Variants in C2 observed in about 807,000 individuals in gnomAD.
C2 encodes the protein complement C2, also known as C3/C5 convertase.
Under a neutral mutation model 85.2 loss-of-function variants are expected in C2, and 64 were observed. The ratio of observed to expected loss-of-function variants is 0.75; its 90% CI spans 0.61 to 0.92. The LOEUF (loss-of-function observed/expected upper bound fraction) is 0.92. Ranked by LOEUF, C2 falls within the 40% of genes least tolerant of loss-of-function variation. C2 has a pLI of 0.00. For synonymous variants in C2, 311 were observed against 370.8 expected, an observed-to-expected ratio of 0.84 and a Z score of 1.85; for missense variants, 820 against 971.6, an observed-to-expected ratio of 0.84 and a Z score of 2.07.
chr6:31,910,540 G>A (rs544212306), intron 1 of C2, among the ~76,000 whole-genome samples: 2 of 151,954 alleles, frequency 1.3e-5, no homozygotes, highest in South Asian at 4.2e-4. Flanking sequence ...ATGTTGCTCA[G>A]GCTTAGAAGG....
chr6:31,944,615 A>C lies in C2; in HGVS notation c.1903-112A>C, dbSNP rs34191899. 23,479 of 1,184,652 alleles carry C rather than the reference A, an allele frequency of 0.02. 368 individuals carry two copies. Among genetic ancestry groups the C allele is most frequent in the Middle Eastern group, 0.024 (88 of 3,686 alleles). 73.4% of individuals were successfully genotyped at this position (1,184,652 alleles called of 1,614,324 possible). A position where few individuals can be genotyped will look rare whatever the true frequency, so the allele number is the denominator to read the frequency against. ...AGGATGGTCTTGAACTCCTGACCTCAAGTGATCTGCCTGCCTCAACCTCCC... is the reference window on the plus strand; with the variant it reads ...AGGATGGTCTTGAACTCCTGACCTCCAGTGATCTGCCTGCCTCAACCTCCC... On this transcript the variant is annotated intron_variant, in intron 15 of 17. Coordinates refer to ENST00000299367, the MANE Select transcript of C2 (RefSeq NM_000063.6). This position sits in a 1 kb window ranked among gnomAD's most constrained non-coding sequence, Gnocchi z 5.1.
At chr6:31,928,573 C>T (rs1364690309) in intron 2 of C2, among the ~76,000 whole-genome samples, 159 bp from the exon 3 acceptor site, 1 of 152,102 alleles carries the variant, frequency 6.6e-6, no homozygotes, top group Non-Finnish European at 1.5e-5. Context: ...CAATCAGTTG[C>T]CAAAAACAGC....
At chr6:31,936,325 GTT>G (rs1770417332) in intron 7 of C2, 1 of 500,460 alleles carries the variant, frequency 2.0e-6, no homozygotes, top group African/African-American at 1.9e-5. Context: ...ACACTGTCTG[GTT>G]TGCATGGCTG....
Position 31,922,068 on chromosome 6 carries a change from T to A in C2, c.-100+2042T>A, listed in dbSNP as rs1769014903. Reference sequence around the variant, plus strand: ...ATCAGTCATTGGTTGAAGGCCTTAATTCTCTGTCATTTCCAGCTTTCTGTG... The same window carrying A: ...ATCAGTCATTGGTTGAAGGCCTTAAATCTCTGTCATTTCCAGCTTTCTGTG... On this transcript the variant is annotated intron_variant, in intron 1 of 3. Transcript: ENST00000413154. The surrounding 1 kb of genome is among the most constrained non-coding windows in gnomAD (Gnocchi z 4.8). Among the ~76,000 whole-genome samples, 1 of 152,106 alleles carries A rather than the reference T, an allele frequency of 6.6e-6. No homozygotes were observed. Among genetic ancestry groups the A allele is most frequent in the Non-Finnish European group, 1.5e-5 (1 of 67,994 alleles).
chr6:31,914,527 G>T (rs569353488), intron 1 of C2, among the ~76,000 whole-genome samples: 4 of 149,120 alleles, frequency 2.7e-5, no homozygotes, highest in African/African-American at 9.9e-5. Flanking sequence ...GGAGGCAGAG[G>T]TTGCAGTGAG....
intron 7 of C2, 87 bp downstream of exon 7, chr6:31,936,148 G>C: frequency 6.9e-7 from 1 of 1,458,174 alleles, no homozygotes; most frequent in Non-Finnish European, 9.4e-7. Flanking sequence ...GAGTTAAAAA[G>C]AGAGTGAGGC....
At chr6:31,901,399 C>G in intron 1 of C2, 2 of 1,327,150 alleles carry the variant, frequency 1.5e-6, no homozygotes, top group Non-Finnish European at 2.0e-6. Context: ...ACCCTCGCCC[C>G]CATTCTTGCC....
At chr6:31,924,406 G>A (rs890648376), upstream of C2, among the ~76,000 whole-genome samples, 1 of 152,140 alleles carries the variant, frequency 6.6e-6, no homozygotes, top group Non-Finnish European at 1.5e-5. Context: ...TCATCCACAT[G>A]TGACTTCCAT....
chr6:31,943,096 C>A lies in C2; in HGVS notation c.1357C>A (p.Leu453Met). The change falls in exon 10 of 18, where the codon CTG becomes ATG. Residue 453 changes from leucine (L) to methionine (M), a missense_variant. By Grantham distance (15) the Leu-to-Met change is conservative (BLOSUM62 2). Coordinates refer to ENST00000299367, the MANE Select transcript of C2 (RefSeq NM_000063.6). The surrounding 1 kb of genome is among the most constrained non-coding windows in gnomAD (Gnocchi z 6.4). ...KALHQVFEHM[L>M]DVSKLTDTIC... is the part of the protein sequence containing the mutation. ...TCTGCACCAGGTCTTTGAACATATG[C>A]TGGGTGAGTGAGCTTTGCCCTCCTT... is the stretch of plus-strand genomic sequence containing the variant. 3 of 1,613,052 alleles carry A rather than the reference C, an allele frequency of 1.9e-6. No homozygotes were observed. The highest frequency in any genetic ancestry group is 2.5e-6 in the Non-Finnish European group (3 of 1,180,010).
chr6:31,913,717 G>T (rs1476163050), intron 1 of C2, among the ~76,000 whole-genome samples: 1 of 151,938 alleles, frequency 6.6e-6, no homozygotes, highest in Non-Finnish European at 1.5e-5. Context: ...CGTGATCTCG[G>T]CTCACTGCAA....
At chr6:31,905,627 G>A (rs553847530) in intron 1 of C2, among the ~76,000 whole-genome samples, 1 of 151,804 alleles carries the variant, frequency 6.6e-6, no homozygotes, top group Non-Finnish European at 1.5e-5. Context: ...ATAAATAAAA[G>A]TAAATACATT....
At chr6:31,940,094 T>A (rs547402166) in intron 9 of C2, among the ~76,000 whole-genome samples, 47 of 152,314 alleles carry the variant, frequency 3.1e-4, no homozygotes, top group Non-Finnish European at 6.0e-4. Flanking sequence ...TTTAATTTTT[T>A]AATTATTATT....
chr6:31,911,307 A>G (rs1433663567), intron 1 of C2, among the ~76,000 whole-genome samples: 2 of 152,144 alleles, frequency 1.3e-5, no homozygotes, highest in African/African-American at 4.8e-5. Flanking sequence ...CTCAAAAAAT[A>G]AACAAATAAA....
intron 1 of C2, among the ~76,000 whole-genome samples, chr6:31,914,910 C>CACAACA (rs545113057): frequency 2.2e-4 from 33 of 151,744 alleles, no homozygotes; most frequent in African/African-American, 3.9e-4. Context: ...AAGACTCCAT[C>CACAACA]ACAACAACAA....
Position 31,939,292 on chromosome 6 carries a change from C to A in C2, c.1191C>A (p.Asn397Lys). The part of the protein sequence containing the change: ...TAVDHIREIL[N>K]INQKRNDYLD... Reference sequence around the variant, plus strand: ...TTGACCATATCAGAGAGATCCTGAACATCAACCAGAAGAGGAATGACTATC... The same window carrying A: ...TTGACCATATCAGAGAGATCCTGAAAATCAACCAGAAGAGGAATGACTATC... Residue 397 changes from asparagine (N) to lysine (K), a missense_variant, in exon 9 of 18, where the codon AAC becomes AAA. Physicochemically the swap from Asn to Lys is moderately conservative, Grantham distance 94. Coordinates refer to ENST00000299367, the MANE Select transcript of C2 (RefSeq NM_000063.6). 6.2e-7 allele frequency: 1 copy of A among 1,612,518 alleles called. No individual in the cohort carries two copies. The highest frequency in any genetic ancestry group is 8.5e-7 in the Non-Finnish European group (1 of 1,179,822).
chr6:31,900,136 G>A, upstream of C2: 1 of 1,614,098 alleles, frequency 6.2e-7, no homozygotes, highest in Non-Finnish European at 8.5e-7. The surrounding 1 kb of genome is among the most constrained non-coding windows in gnomAD (Gnocchi z 9.7). Flanking sequence ...TGCCGCAGAT[G>A]CCGCACGAGT....
intron 1 of C2, chr6:31,901,260 C>T: frequency 6.2e-7 from 1 of 1,612,634 alleles, no homozygotes; most frequent in Non-Finnish European, 8.5e-7. Context: ...GTTGCGGCCT[C>T]GTGGCCGGGC....
At chr6:31,940,585 C>T (rs1038725471) in intron 9 of C2, among the ~76,000 whole-genome samples, 1 of 152,170 alleles carries the variant, frequency 6.6e-6, no homozygotes, top group Admixed American at 6.5e-5. Flanking sequence ...TTCCCCTTAG[C>T]TCCTCTCCTT....
chr6:31,934,050 A>G, intron 5 of C2, 85 bp downstream of exon 5: 1 of 1,553,690 alleles, frequency 6.4e-7, no homozygotes, highest in Non-Finnish European at 8.9e-7. Flanking sequence ...CCTGGAGGCC[A>G]GGAGCCTTGG....
Sources: gnomAD v4.1 joint callset for allele counts (sites outside exome capture counted in the v4.1 genomes callset) on GRCh38, gnomAD v4.1.1 for gene constraint, Gnocchi (gnomAD v3.1) non-coding constraint, MANE v1.5 for transcripts, NCBI Gene and HGNC (gene_info 2026-07-23, HGNC 2026-07-21) for gene names.